SGCD: variants seen among roughly 807,000 people sequenced by gnomAD.
SGCD encodes the protein sarcoglycan delta, also known as delta-sarcoglycan.
In SGCD, 18 loss-of-function variants were observed where a neutral mutation model predicts 36.6. The observed-to-expected ratio is 0.49, with a 90% CI of 0.34 to 0.73. SGCD has a LOEUF of 0.73. SGCD is among the 30% of genes least tolerant of loss of function. The probability of loss-of-function intolerance (pLI) is 0.01; values close to 1 mark genes in which losing one functional copy is unlikely to be tolerated. For missense variants in SGCD, 387 were observed against 346.7 expected, an observed-to-expected ratio of 1.12 and a Z score of -0.92; for synonymous variants, 133 against 130.6, an observed-to-expected ratio of 1.02 and a Z score of -0.12.
At chr5:156,015,698 AATGAT>A (rs1758958394) in intron 1 of SGCD, among the ~76,000 whole-genome samples, 1 of 151,494 alleles carries the variant, frequency 6.6e-6, no homozygotes, top group Non-Finnish European at 1.5e-5. Context: ...GTAACGAATG[AATGAT>A]ATATGAATGA....
chr5:155,743,174 C>A, the SGCD span, among the ~76,000 whole-genome samples: 1 of 147,846 alleles, frequency 6.8e-6, no homozygotes, highest in Non-Finnish European at 1.5e-5. Flanking sequence ...TCTCTCATCT[C>A]CTTTCCATGT....
At chr5:156,161,667 A>G (rs1763089604) in intron 3 of SGCD, among the ~76,000 whole-genome samples, 1 of 151,886 alleles carries the variant, frequency 6.6e-6, no homozygotes, top group Admixed American at 6.5e-5. Context: ...ACTGTAAAAC[A>G]AGAAATGAGT....
At chr5:156,692,066 A>G (rs1281394510) in intron 7 of SGCD, among the ~76,000 whole-genome samples, 1 of 152,200 alleles carries the variant, frequency 6.6e-6, no homozygotes, top group East Asian at 1.9e-4. Flanking sequence ...TTCACATAAA[A>G]ATCAAATTAG....
chr5:156,031,605 T>C, intron 1 of SGCD, among the ~76,000 whole-genome samples: 1 of 152,238 alleles, frequency 6.6e-6, no homozygotes, highest in East Asian at 1.9e-4. Flanking sequence ...AATGTCCATA[T>C]TATTTGACAG....
chr5:156,504,249 G>A (rs1010634397), intron 3 of SGCD, among the ~76,000 whole-genome samples: 22 of 151,238 alleles, frequency 1.5e-4, no homozygotes, highest in African/African-American at 4.8e-4. Context: ...AGCAAAAAGA[G>A]GAAAGTAGAA....
intron 6 of SGCD, among the ~76,000 whole-genome samples, chr5:156,626,965 G>A (rs898185219): frequency 6.6e-6 from 1 of 152,206 alleles, no homozygotes. Flanking sequence ...TAACAGAGGT[G>A]TGATCTCATA....
intron 7 of SGCD, among the ~76,000 whole-genome samples, chr5:156,730,495 TGTTA>T (rs1467958068): frequency 1.3e-5 from 2 of 152,152 alleles, no homozygotes; most frequent in Non-Finnish European, 2.9e-5. Context: ...GTTTTGTGTT[TGTTA>T]GTTTGTTAAG....
chr5:156,759,093 AT>A, intron 8 of SGCD, 123 bp from the exon 9 acceptor site: 1 of 709,360 alleles, frequency 1.4e-6, no homozygotes, highest in Non-Finnish European at 2.5e-6. Flanking sequence ...ACCAAAAATA[AT>A]CAACACATAG....
At chr5:156,082,946 T>A (rs1236775158) in intron 1 of SGCD, among the ~76,000 whole-genome samples, 1 of 152,178 alleles carries the variant, frequency 6.6e-6, no homozygotes, top group Non-Finnish European at 1.5e-5. Flanking sequence ...ATTTTTTTTT[T>A]AATTTTAGCC....
At chr5:156,652,885 G>T (rs115831368) in intron 7 of SGCD, among the ~76,000 whole-genome samples, 2 of 151,890 alleles carry the variant, frequency 1.3e-5, no homozygotes, top group Non-Finnish European at 2.9e-5. Context: ...CTGTTTATAC[G>T]ATGGATCACA....
intron 3 of SGCD, among the ~76,000 whole-genome samples, chr5:156,392,648 C>T (rs988206660): frequency 1.3e-5 from 2 of 152,130 alleles, no homozygotes; most frequent in Non-Finnish European, 2.9e-5. Flanking sequence ...CTTGGTGTCC[C>T]GGAAGAATTG....
chr5:156,636,046 T>C (rs961681653), intron 6 of SGCD, among the ~76,000 whole-genome samples: 5 of 151,136 alleles, frequency 3.3e-5, no homozygotes, highest in African/African-American at 9.7e-5. Flanking sequence ...AAAAAAAAAA[T>C]GGGGCTTTCT....
intron 1 of SGCD, among the ~76,000 whole-genome samples, chr5:156,080,456 G>T (rs1299806226): frequency 6.6e-6 from 1 of 152,160 alleles, no homozygotes; most frequent in African/African-American, 2.4e-5. Context: ...CCATAATATG[G>T]CAAGGCTGCA....
chr5:156,037,976 G>A (rs1272662153), intron 1 of SGCD, among the ~76,000 whole-genome samples: 4 of 152,134 alleles, frequency 2.6e-5, no homozygotes, highest in Non-Finnish European at 1.5e-5. Flanking sequence ...AGGTTAATGA[G>A]CCCCCTAAAA....
chr5:156,444,113 TCTCCCCTTC>T (rs1753645207), intron 3 of SGCD, among the ~76,000 whole-genome samples: 1 of 80,642 alleles, frequency 1.2e-5, no homozygotes, highest in Non-Finnish European at 2.2e-5. Context: ...TCTCTCTCTC[TCTCCCCTTC>T]CCTCTCTCTC....
chr5:155,737,445 C>G, the SGCD span, among the ~76,000 whole-genome samples: 1 of 152,244 alleles, frequency 6.6e-6, no homozygotes, highest in Non-Finnish European at 1.5e-5. Context: ...CATACTCTTA[C>G]TATAGACAGT....
intron 7 of SGCD, among the ~76,000 whole-genome samples, chr5:156,733,345 A>T (rs1318676759): frequency 6.6e-6 from 1 of 151,924 alleles, no homozygotes; most frequent in Non-Finnish European, 1.5e-5. Context: ...ATTTCCATGT[A>T]GTTGTGTGGT....
At chr5:156,382,717 A>T (rs1374521809) in intron 3 of SGCD, among the ~76,000 whole-genome samples, 2 of 152,104 alleles carry the variant, frequency 1.3e-5, no homozygotes, top group African/African-American at 4.8e-5. Context: ...AGCTTTCTAA[A>T]CTCTTCACCA....
chr5:155,929,804 A>T (rs1226199000), intron 1 of SGCD, among the ~76,000 whole-genome samples: 1 of 152,178 alleles, frequency 6.6e-6, no homozygotes, highest in Non-Finnish European at 1.5e-5. Context: ...TCACACAAGT[A>T]GTTTTTTGTG....
Sources: allele counts gnomAD v4.1 joint callset (sites outside exome capture counted in the v4.1 genomes callset), GRCh38; gene constraint gnomAD v4.1.1; transcripts MANE v1.5; gene names NCBI Gene and HGNC (gene_info 2026-07-23, HGNC 2026-07-21).